PTPRD: variants seen among roughly 807,000 people sequenced by gnomAD.
The protein encoded by PTPRD is receptor-type tyrosine-protein phosphatase delta.
PTPRD carries 34 observed loss-of-function variants against 214.5 expected under a neutral mutation model. The ratio of observed to expected loss-of-function variants is 0.16; its 90% CI spans 0.12 to 0.21. The LOEUF is 0.21. Ranked by LOEUF, PTPRD falls within the 10% of genes least tolerant of loss-of-function variation. PTPRD has a pLI of 1.00. For missense variants in PTPRD, 2,545 were observed against 2,398.7 expected, an observed-to-expected ratio of 1.06 and a Z score of -1.27; for synonymous variants, 1,128 against 845.7, an observed-to-expected ratio of 1.33 and a Z score of -5.79.
At chr9:10,070,362 G>T (rs1590242127) in intron 3 of PTPRD, among the ~76,000 whole-genome samples, 1 of 151,930 alleles carries the variant, frequency 6.6e-6, no homozygotes, top group African/African-American at 2.4e-5. Flanking sequence ...TCTAACCTTT[G>T]TATGTACCTC....
intron 8 of PTPRD, among the ~76,000 whole-genome samples, chr9:9,507,134 A>T (rs1250015892): frequency 6.6e-6 from 1 of 151,440 alleles, no homozygotes; most frequent in African/African-American, 2.4e-5. Flanking sequence ...TTTAAAAAGA[A>T]TTTGAATGGC....
At chr9:9,454,175 G>C (rs1245261779) in intron 8 of PTPRD, among the ~76,000 whole-genome samples, 1 of 151,688 alleles carries the variant, frequency 6.6e-6, no homozygotes, top group African/African-American at 2.4e-5. Context: ...TCTTTGAGTT[G>C]TTAGATATTT....
chr9:8,596,516 G>C (rs997553365), intron 14 of PTPRD, among the ~76,000 whole-genome samples: 9 of 152,000 alleles, frequency 5.9e-5, no homozygotes, highest in African/African-American at 2.2e-4. Flanking sequence ...GACGACAAGA[G>C]GCCTGCAGAG....
At chr9:8,981,051 C>T (rs1014394361) in intron 11 of PTPRD, among the ~76,000 whole-genome samples, 4 of 152,042 alleles carry the variant, frequency 2.6e-5, no homozygotes, top group African/African-American at 9.7e-5. Flanking sequence ...AATTACTTGT[C>T]TCCGGCACCT....
chr9:9,548,396 A>G (rs1180653726), intron 8 of PTPRD, among the ~76,000 whole-genome samples: 5 of 143,564 alleles, frequency 3.5e-5, no homozygotes, highest in Non-Finnish European at 7.6e-5. Flanking sequence ...CGTATATGTG[A>G]CTTTTTTTCT....
chr9:9,938,377 T>C (rs2090306673), intron 5 of PTPRD, 130 bp downstream of exon 5: 1 of 152,204 alleles, frequency 6.6e-6, no homozygotes, highest in Admixed American at 6.5e-5. Context: ...TTTAAAGAAA[T>C]GCAGTGTTTT....
At chr9:10,498,658 G>A (rs561093789) in intron 2 of PTPRD, among the ~76,000 whole-genome samples, 8 of 151,894 alleles carry the variant, frequency 5.3e-5, no homozygotes, top group African/African-American at 1.9e-4. Context: ...CAAAAAAAAG[G>A]TAAGAACAAT....
At chr9:9,489,336 G>A (rs992327161) in intron 8 of PTPRD, among the ~76,000 whole-genome samples, 1 of 152,066 alleles carries the variant, frequency 6.6e-6, no homozygotes, top group East Asian at 1.9e-4. Context: ...TACATTATTA[G>A]ATTCAATTGC....
At chr9:10,255,415 C>T (rs886679893) in intron 3 of PTPRD, among the ~76,000 whole-genome samples, 2 of 152,104 alleles carry the variant, frequency 1.3e-5, no homozygotes, top group Non-Finnish European at 2.9e-5. Flanking sequence ...TGCATCTAAA[C>T]ATATTTAAAC....
At chr9:8,750,636 T>A (rs1200664071) in intron 11 of PTPRD, among the ~76,000 whole-genome samples, 1 of 151,942 alleles carries the variant, frequency 6.6e-6, no homozygotes, top group African/African-American at 2.4e-5. Context: ...CAAGAAGAAA[T>A]GCAGAAAAGC....
intron 2 of PTPRD, among the ~76,000 whole-genome samples, chr9:10,563,679 T>A (rs888075777): frequency 6.6e-6 from 1 of 152,066 alleles, no homozygotes; most frequent in African/African-American, 2.4e-5. Context: ...TTATTTTTTT[T>A]TATCTTTTAA....
intron 4 of PTPRD, among the ~76,000 whole-genome samples, chr9:10,019,629 G>C (rs1241140579): frequency 6.6e-6 from 1 of 152,152 alleles, no homozygotes. Context: ...CCTTTGTAGG[G>C]ACATGGATGA....
At chr9:8,531,846 T>A (rs1024915237) in intron 14 of PTPRD, among the ~76,000 whole-genome samples, 1 of 152,046 alleles carries the variant, frequency 6.6e-6, no homozygotes, top group Non-Finnish European at 1.5e-5. Context: ...AAATCTAGAT[T>A]TAATAACCGT....
intron 11 of PTPRD, among the ~76,000 whole-genome samples, chr9:8,909,974 T>G (rs939107661): frequency 2.0e-5 from 3 of 151,754 alleles, no homozygotes; most frequent in Non-Finnish European, 2.9e-5. Flanking sequence ...ACCAGAAAAT[T>G]TTATGCTATA....
chr9:10,507,386 T>C (rs889537359), intron 2 of PTPRD, among the ~76,000 whole-genome samples: 1 of 152,120 alleles, frequency 6.6e-6, no homozygotes, highest in Non-Finnish European at 1.5e-5. Context: ...AGGTAATTTA[T>C]AGATTCAATG....
intron 14 of PTPRD, among the ~76,000 whole-genome samples, chr9:8,557,107 G>A (rs1404599903): frequency 6.6e-6 from 1 of 152,030 alleles, no homozygotes; most frequent in East Asian, 1.9e-4. Context: ...CAGAGAGCAG[G>A]GCCACAGTGG....
At chr9:9,001,973 CTG>C (rs71500972) in intron 11 of PTPRD, among the ~76,000 whole-genome samples, 21 of 113,330 alleles carry the variant, frequency 1.9e-4, no homozygotes, top group Admixed American at 5.1e-4. Flanking sequence ...CACTAGCTCC[CTG>C]TGTGTGTGTG....
chr9:8,886,171 A>G (rs2098485834), intron 11 of PTPRD, among the ~76,000 whole-genome samples: 1 of 152,202 alleles, frequency 6.6e-6, no homozygotes, highest in Admixed American at 6.5e-5. Flanking sequence ...AGCCAGACAT[A>G]TTGATATTTG....
At position 10,158,415 on chromosome 9, in the gene PTPRD, C is replaced by A. The variant is rs574404859; in HGVS notation, c.-544-124625G>T. ...AGCCATGCATTTTAGTGATAACCCC[C>A]ATTTTGTAATAATGAATTGCTCTGT... On this transcript the variant is annotated intron_variant, in intron 3 of 45. Coordinates refer to ENST00000381196, the MANE Select transcript of PTPRD (RefSeq NM_002839.4). Among the ~76,000 whole-genome samples, 70 of 152,166 alleles carry A rather than the reference C, an allele frequency of 4.6e-4. 1 individual carries two copies. Among genetic ancestry groups the A allele is most frequent in the Non-Finnish European group, 8.4e-4 (57 of 68,034 alleles).
Sources: gnomAD v4.1 joint callset for allele counts (sites outside exome capture counted in the v4.1 genomes callset) on GRCh38, gnomAD v4.1.1 for gene constraint, MANE v1.5 for transcripts, NCBI Gene and HGNC (gene_info 2026-07-23, HGNC 2026-07-21) for gene names.